The following ARHGEF10L variants were observed in gnomAD, a reference collection of about 807,000 sequenced individuals.
ARHGEF10L encodes the protein Rho guanine nucleotide exchange factor 10 like.
ARHGEF10L carries 69 observed loss-of-function variants against 141.2 expected under a neutral mutation model. That is an observed-to-expected ratio of 0.49 (90% CI 0.40 to 0.60). ARHGEF10L has a LOEUF of 0.60. ARHGEF10L is among the 20% of genes least tolerant of loss of function. ARHGEF10L has a pLI of 0.00. For synonymous variants in ARHGEF10L, 711 were observed against 718.5 expected (o/e 0.99, Z 0.17); for missense variants, 1,482 against 1,734.3 (o/e 0.85, Z 2.58).
chr1:17,588,839 G>T (rs1268967819), intron 4 of ARHGEF10L, among the ~76,000 whole-genome samples: 7 of 128,330 alleles, frequency 5.5e-5, no homozygotes, highest in South Asian at 5.5e-4. Context: ...CAAACAGCTG[G>T]AGGGTCCCCA....
At chr1:17,588,880 G>GTGTGTGTGTGTGTGTGTGTGTC (rs2079274596) in intron 4 of ARHGEF10L, among the ~76,000 whole-genome samples, 1 of 74,504 alleles carries the variant, frequency 1.3e-5, no homozygotes, top group African/African-American at 6.8e-5. Context: ...GTGTGTGTGT[G>GTGTGTGTGTGTGTGTGTGTGTC]TGTGTGTGTG....
At chr1:17,579,536 G>C (rs2100483482) in intron 1 of ARHGEF10L, among the ~76,000 whole-genome samples, 1 of 152,308 alleles carries the variant, frequency 6.6e-6, no homozygotes, top group South Asian at 2.1e-4. Flanking sequence ...TATTTGTAAA[G>C]TGCTTAAAAT....
chr1:17,557,968 A>G (rs895139157), intron 1 of ARHGEF10L, among the ~76,000 whole-genome samples: 1 of 152,244 alleles, frequency 6.6e-6, no homozygotes. Flanking sequence ...TCCTCTGACC[A>G]CTACTTACAT....
At chr1:17,596,110 G>A (rs2080072417) in intron 4 of ARHGEF10L, among the ~76,000 whole-genome samples, 1 of 152,240 alleles carries the variant, frequency 6.6e-6, no homozygotes, top group South Asian at 2.1e-4. Context: ...CCTGCAGGGA[G>A]CTTACCCCTG....
rs931478891 is a variant in ARHGEF10L at position 17,603,787 on chromosome 1, C to G, written c.433+196C>G. Among the ~76,000 whole-genome samples the G allele has an allele frequency of 3.9e-5, 6 of 152,214 alleles. No homozygotes were observed. Among genetic ancestry groups the G allele is most frequent in the Non-Finnish European group, 1.5e-5 (1 of 68,028 alleles). ...GCGTGGCCACCGGGGCCGGGCAGGG[C>G]TTGGGCATCATGGGCAGGGCCATGC... On this transcript the variant is annotated intron_variant, in intron 6 of 28. Transcript: ENST00000361221. This position sits in a 1 kb window ranked among gnomAD's most constrained non-coding sequence, Gnocchi z 4.8.
rs1326511003 is a variant in ARHGEF10L, at chr1:17,656,060, C to T, written c.2663C>T (p.Ala888Val). Reference protein sequence around the residue: ...DESPTVADPSATVHPTICLGL... With the variant: ...DESPTVADPSVTVHPTICLGL... ...AGCCCGACAGTTGCTGACCCCTCGGCCACGGTGCATCCAACCATCTGCCTC... is the reference window on the plus strand; with the variant it reads ...AGCCCGACAGTTGCTGACCCCTCGGTCACGGTGCATCCAACCATCTGCCTC... Residue 888 changes from alanine (A) to valine (V), a missense_variant, in exon 24 of 29, where the codon GCC becomes GTC. Transcript: ENST00000361221. The surrounding 1 kb of genome is among the most constrained non-coding windows in gnomAD (Gnocchi z 4.9). The T allele has an allele frequency of 6.4e-7, 1 of 1,564,136 alleles. No individual in the cohort carries two copies. Among genetic ancestry groups the T allele is most frequent in the Non-Finnish European group, 8.7e-7 (1 of 1,153,996 alleles).
intron 21 of ARHGEF10L, among the ~76,000 whole-genome samples, chr1:17,648,165 A>C (rs1023754263): frequency 1.3e-5 from 2 of 152,344 alleles, no homozygotes; most frequent in Admixed American, 1.3e-4. Flanking sequence ...GACTCTGTTC[A>C]GCATCTTAAC....
intron 26 of ARHGEF10L, among the ~76,000 whole-genome samples, chr1:17,680,735 A>C (rs889215404): frequency 6.7e-6 from 1 of 148,228 alleles, no homozygotes; most frequent in African/African-American, 2.5e-5. Context: ...CTCCCCTCCA[A>C]CTGCCAGCTT....
chr1:17,631,013 T>A (rs1328036409), intron 15 of ARHGEF10L, among the ~76,000 whole-genome samples: 1 of 145,214 alleles, frequency 6.9e-6, no homozygotes, highest in Non-Finnish European at 1.5e-5. Flanking sequence ...GTCCTGGGGA[T>A]GCCCGGGGGT....
rs1013769138 is a variant in ARHGEF10L at position 17,655,888 on chromosome 1, G to A, written c.2491G>A (p.Gly831Arg). Residue 831 changes from glycine to arginine, a missense_variant, in exon 24 of 29, where the codon GGA becomes AGA. By Grantham distance (125) the Gly-to-Arg change is moderately radical. Coordinates refer to ENST00000361221, the MANE Select transcript of ARHGEF10L (RefSeq NM_018125.4). Reference sequence around the variant, plus strand: ...GGGTCTCTGCTCCCAGGTCGGGGGCGGACAGGAAGGCGCAGGGGGCCAGGT... The same window carrying A: ...GGGTCTCTGCTCCCAGGTCGGGGGCAGACAGGAAGGCGCAGGGGGCCAGGT... ...LPQGYLWVGG[G>R]QEGAGGQVEI... 65 of 1,554,050 alleles carry A rather than the reference G, an allele frequency of 4.2e-5. No homozygotes were observed. The highest frequency in any genetic ancestry group is 1.4e-4 in the East Asian group (6 of 41,898).
intron 7 of ARHGEF10L, among the ~76,000 whole-genome samples, chr1:17,608,824 G>A (rs1019970846): frequency 3.3e-5 from 5 of 152,048 alleles, no homozygotes; most frequent in Non-Finnish European, 5.9e-5. Flanking sequence ...TCACTCTTTC[G>A]CCCAGGCTGG....
chr1:17,564,269 T>C (rs1345413561), intron 1 of ARHGEF10L, among the ~76,000 whole-genome samples: 1 of 152,098 alleles, frequency 6.6e-6, no homozygotes, highest in Admixed American at 6.6e-5. Context: ...AGCCCCCAGG[T>C]GGTTCTGGAC....
At chr1:17,550,007 A>G (rs1054488135) in intron 1 of ARHGEF10L, among the ~76,000 whole-genome samples, 1 of 152,146 alleles carries the variant, frequency 6.6e-6, no homozygotes, top group Non-Finnish European at 1.5e-5. Context: ...AAAAGATCCC[A>G]TGTCTGCTGG....
intron 27 of ARHGEF10L, chr1:17,694,706 G>T: frequency 2.9e-6 from 1 of 346,540 alleles, no homozygotes; most frequent in South Asian, 2.1e-5. Flanking sequence ...GCCCCACCCG[G>T]CCCTACTTAT....
intron 25 of ARHGEF10L, among the ~76,000 whole-genome samples, chr1:17,659,308 C>T (rs889864180): frequency 9.9e-5 from 15 of 152,272 alleles, no homozygotes; most frequent in African/African-American, 3.1e-4. Flanking sequence ...TCTCCCCACC[C>T]GTACCCAGTG....
chr1:17,632,288 T>G, intron 15 of ARHGEF10L, 33 bp from the exon 16 acceptor site: 1 of 1,611,270 alleles, frequency 6.2e-7, no homozygotes, highest in Non-Finnish European at 8.5e-7. Context: ...CGGGCCGCGA[T>G]GCTGATGCTG....
the ARHGEF10L span, among the ~76,000 whole-genome samples, chr1:17,533,912 C>T: frequency 5.3e-5 from 8 of 152,054 alleles, no homozygotes; most frequent in East Asian, 1.9e-4. Flanking sequence ...TATGCGAGGC[C>T]GGTATCCAGA....
chr1:17,675,347 G>A (rs1252998120), intron 26 of ARHGEF10L, among the ~76,000 whole-genome samples: 2 of 152,232 alleles, frequency 1.3e-5, no homozygotes, highest in South Asian at 2.1e-4. Context: ...GGGGAACTTA[G>A]AGTCTCAGCC....
chr1:17,693,645 C>G (rs2065267829), intron 27 of ARHGEF10L, among the ~76,000 whole-genome samples: 1 of 152,212 alleles, frequency 6.6e-6, no homozygotes, highest in South Asian at 2.1e-4. Context: ...TGAGCCTTAA[C>G]ATCCGTGCCT....
Sources: gnomAD v4.1 joint callset for allele counts (sites outside exome capture counted in the v4.1 genomes callset) on GRCh38, gnomAD v4.1.1 for gene constraint, Gnocchi (gnomAD v3.1) non-coding constraint, MANE v1.5 for transcripts, NCBI Gene and HGNC (gene_info 2026-07-23, HGNC 2026-07-21) for gene names.